Variants in TAFA2 observed in about 807,000 individuals in gnomAD.
The protein encoded by TAFA2 is chemokine-like protein TAFA-2.
Under a neutral mutation model 18.8 loss-of-function variants are expected in TAFA2, and 7 were observed. That is an observed-to-expected ratio of 0.37 (90% confidence interval 0.21 to 0.70). TAFA2 has a LOEUF of 0.70. Among genes scored for constraint, TAFA2 ranks in the 30% least tolerant of loss-of-function variants. The probability of loss-of-function intolerance (pLI) is 0.53; values close to 1 mark genes in which losing one functional copy is unlikely to be tolerated. For missense variants in TAFA2, 122 were observed against 158.1 expected (o/e 0.77, Z 1.23); for synonymous variants, 60 against 54.2 (o/e 1.11, Z -0.47).
intron 4 of TAFA2, among the ~76,000 whole-genome samples, chr12:61,745,651 T>G (rs979966009): frequency 6.6e-6 from 1 of 152,154 alleles, no homozygotes; most frequent in Non-Finnish European, 1.5e-5. Flanking sequence ...CCATGTGGTA[T>G]GCAGAATTCC....
chr12:61,834,089 T>C (rs1330134590), intron 2 of TAFA2, among the ~76,000 whole-genome samples: 1 of 152,070 alleles, frequency 6.6e-6, no homozygotes, highest in Non-Finnish European at 1.5e-5. Context: ...AACTATTGCT[T>C]ACATTGTGTT....
intron 1 of TAFA2, among the ~76,000 whole-genome samples, chr12:61,886,593 T>A (rs1420472229): frequency 6.6e-6 from 1 of 152,180 alleles, no homozygotes; most frequent in East Asian, 1.9e-4. Context: ...ATTCCAGCAC[T>A]GGGTCCGCAG....
intron 1 of TAFA2, chr12:62,139,884 TC>T (rs1334238220): frequency 6.6e-6 from 1 of 152,184 alleles, no homozygotes; most frequent in Non-Finnish European, 1.5e-5. Flanking sequence ...AAATCACGTC[TC>T]CTAACTCCCA....
intron 1 of TAFA2, among the ~76,000 whole-genome samples, chr12:62,010,829 C>T (rs1220091742): frequency 1.3e-4 from 19 of 144,664 alleles, no homozygotes; most frequent in Non-Finnish European, 1.2e-4. Flanking sequence ...AGCGCCTCTG[C>T]CCAGCAGCCC....
At chr12:61,960,866 T>A (rs1267550295) in intron 1 of TAFA2, among the ~76,000 whole-genome samples, 1 of 151,952 alleles carries the variant, frequency 6.6e-6, no homozygotes, top group Non-Finnish European at 1.5e-5. Flanking sequence ...TACAACCTGA[T>A]GAAAATAGAA....
intron 1 of TAFA2, among the ~76,000 whole-genome samples, chr12:62,249,272 TAAAAAAAA>T (rs35144994): frequency 0.32 from 44,276 of 137,754 alleles, 6,965 homozygotes; most frequent in African/African-American, 0.41. Context: ...TTTTTTTTCC[TAAAAAAAA>T]AAAAAAAAAG....
intron 1 of TAFA2, among the ~76,000 whole-genome samples, chr12:62,037,964 A>C (rs1422966033): frequency 1.3e-5 from 2 of 152,224 alleles, no homozygotes; most frequent in East Asian, 3.9e-4. Context: ...CCATATCCAC[A>C]TGAACATCTA....
intron 1 of TAFA2, among the ~76,000 whole-genome samples, chr12:62,108,333 T>G (rs1189119484): frequency 6.6e-6 from 1 of 152,240 alleles, no homozygotes; most frequent in Non-Finnish European, 1.5e-5. Flanking sequence ...CTTTTTTGGC[T>G]GCATAGAATT....
intron 1 of TAFA2, among the ~76,000 whole-genome samples, chr12:61,900,231 A>G (rs1374323184): frequency 6.6e-6 from 1 of 152,204 alleles, no homozygotes; most frequent in Non-Finnish European, 1.5e-5. Flanking sequence ...ATGAGAAAAA[A>G]TTATTGGTCA....
chr12:62,180,566 CAT>C (rs987441288), intron 1 of TAFA2, among the ~76,000 whole-genome samples: 6 of 152,052 alleles, frequency 3.9e-5, no homozygotes, highest in African/African-American at 1.2e-4. Flanking sequence ...TTTTATTAAA[CAT>C]ATGTGTTTTT....
chr12:62,063,178 T>A (rs549618134), intron 1 of TAFA2, among the ~76,000 whole-genome samples: 95 of 151,236 alleles, frequency 6.3e-4, no homozygotes, highest in Non-Finnish European at 9.1e-4. Context: ...CACACAGCCC[T>A]AGTGACTTGA....
chr12:62,140,302 AAAG>A (rs2062229205), intron 1 of TAFA2: 1 of 152,224 alleles, frequency 6.6e-6, no homozygotes, highest in African/African-American at 2.4e-5. Context: ...GTAGACATTC[AAAG>A]AAGAACTTCT....
intron 1 of TAFA2, among the ~76,000 whole-genome samples, chr12:61,990,854 G>T (rs892155772): frequency 1.3e-5 from 2 of 152,130 alleles, no homozygotes; most frequent in Non-Finnish European, 1.5e-5. Flanking sequence ...GAATTTGTGG[G>T]TACATGATAT....
At chr12:61,928,912 A>G (rs1877426299) in intron 1 of TAFA2, among the ~76,000 whole-genome samples, 1 of 152,186 alleles carries the variant, frequency 6.6e-6, no homozygotes, top group Non-Finnish European at 1.5e-5. Flanking sequence ...ACAGGAACAG[A>G]AAACCAAACA....
Position 62,211,844 on chromosome 12 carries a change from T to C in TAFA2, c.-130+46919A>G, listed in dbSNP as rs537322265. Among the ~76,000 whole-genome samples the C allele has an allele frequency of 9.8e-5, 15 of 152,342 alleles. No individual in the cohort carries two copies. The East Asian group carries it at 2.7e-3, about 27-fold the overall frequency. On this transcript the variant is annotated intron_variant, in intron 1 of 5. Transcript: ENST00000551619. ...ATATGGGATAGGAAGCACTCTCATA[T>C]ATGTACTTGAGTTATTCAAAATTCC...
At chr12:62,215,150 G>A (rs545619847) in intron 1 of TAFA2, among the ~76,000 whole-genome samples, 247 of 152,264 alleles carry the variant, frequency 1.6e-3, no homozygotes, top group African/African-American at 5.8e-3. Flanking sequence ...AACTTTCCAA[G>A]ACAATCATAC....
At chr12:61,913,831 C>A (rs1053599877) in intron 1 of TAFA2, among the ~76,000 whole-genome samples, 8 of 152,106 alleles carry the variant, frequency 5.3e-5, no homozygotes, top group African/African-American at 1.7e-4. Context: ...GACAGTCAGA[C>A]GACAGGAGAC....
intron 2 of TAFA2, among the ~76,000 whole-genome samples, chr12:61,803,486 A>G (rs1221420681): frequency 6.6e-6 from 1 of 151,940 alleles, no homozygotes; most frequent in East Asian, 1.9e-4. Flanking sequence ...TATATACACT[A>G]AACAAGAAGT....
intron 1 of TAFA2, among the ~76,000 whole-genome samples, chr12:62,124,180 T>C (rs978801779): frequency 6.6e-6 from 1 of 151,554 alleles, no homozygotes; most frequent in Admixed American, 6.6e-5. Flanking sequence ...GATATAAAAC[T>C]GTACAGAAAA....
Sources: allele counts gnomAD v4.1 joint callset (sites outside exome capture counted in the v4.1 genomes callset), GRCh38; gene constraint gnomAD v4.1.1; transcripts MANE v1.5; gene names NCBI Gene and HGNC (gene_info 2026-07-23, HGNC 2026-07-21).